DYSF: variants seen among roughly 807,000 people sequenced by gnomAD.
The protein encoded by DYSF is dystrophy-associated fer-1-like 1.
Under a neutral mutation model 274.9 loss-of-function variants are expected in DYSF, and 212 were observed. The ratio of observed to expected loss-of-function variants is 0.77; its 90% CI spans 0.69 to 0.86. DYSF has a LOEUF of 0.86. Ranked by LOEUF, DYSF falls within the 40% of genes least tolerant of loss-of-function variation. The probability of loss-of-function intolerance (pLI) is 0.00; values close to 1 mark genes in which losing one functional copy is unlikely to be tolerated. For missense variants in DYSF, 2,666 were observed against 2,783.2 expected (o/e 0.96, Z 0.95); for synonymous variants, 1,091 against 1,078.7 (o/e 1.01, Z -0.22).
At chr2:71,515,389 C>T (rs970022696) in intron 7 of DYSF, among the ~76,000 whole-genome samples, 1 of 152,168 alleles carries the variant, frequency 6.6e-6, no homozygotes, top group Non-Finnish European at 1.5e-5. Flanking sequence ...TGTGGGTAGC[C>T]GACGAGGGGC....
chr2:71,609,257 T>C (rs2093703503), intron 36 of DYSF, among the ~76,000 whole-genome samples: 1 of 152,226 alleles, frequency 6.6e-6, no homozygotes, highest in South Asian at 2.1e-4. Context: ...GCCCTGTCCA[T>C]CACCCCTGCT....
chr2:71,559,105 C>A (rs553591453), intron 22 of DYSF, among the ~76,000 whole-genome samples: 19 of 152,232 alleles, frequency 1.2e-4, no homozygotes, highest in Non-Finnish European at 2.5e-4. Context: ...GAGCCTCCCC[C>A]TTCCCCAGGG....
Position 71,601,421 on chromosome 2 carries a change from T to G in DYSF, c.3898-78T>G, listed in dbSNP as rs141740044. On this transcript the variant is annotated intron_variant, in intron 34 of 55. Transcript: ENST00000410020. ...ACCATGGACTGTCTGATCACTGACA[T>G]AGTCCATGAGTGTCATGAGGGTGAT... The G allele has an allele frequency of 2.0e-5, 32 of 1,561,872 alleles. No individual in the cohort carries two copies. The African/African-American group carries it at 3.7e-4, about 18-fold the overall frequency.
chr2:71,582,589 A>C (rs772922788), intron 30 of DYSF, among the ~76,000 whole-genome samples: 10 of 152,196 alleles, frequency 6.6e-5, no homozygotes, highest in Non-Finnish European at 1.3e-4. Context: ...TAGTGAAGAG[A>C]GTGAAGATGG....
intron 13 of DYSF, 118 bp from the exon 14 acceptor site, chr2:71,528,180 A>AG: frequency 1.1e-6 from 1 of 895,856 alleles, no homozygotes; most frequent in East Asian, 2.6e-5. Context: ...CCCTGTGTGA[A>AG]GGGGCCAAAG....
chr2:71,633,493 A>G (rs2094347832), intron 41 of DYSF, among the ~76,000 whole-genome samples: 1 of 152,192 alleles, frequency 6.6e-6, no homozygotes, highest in Non-Finnish European at 1.5e-5. Flanking sequence ...AACATTAATC[A>G]TGGTAAACTT....
chr2:71,517,018 T>G lies in DYSF; in HGVS notation c.981T>G (p.Asp327Glu). The stretch of plus-strand genomic sequence containing the variant: ...TAGACTCTCGTTCTCTCAGGACAGA[T>G]GCTCTCCTCGGGGAGTTCCGGGTAA... ...TVVDSRSLRTDALLGEFRMDV... is the reference protein window; with the variant it reads ...TVVDSRSLRTEALLGEFRMDV... Residue 327 changes from aspartate to glutamate, a missense_variant, in exon 10 of 56, where the codon GAT becomes GAG. Transcript: ENST00000410020. 2 of 1,614,212 alleles carry G rather than the reference T, an allele frequency of 1.2e-6. No individual in the cohort carries two copies. The highest frequency in any genetic ancestry group is 8.5e-7 in the Non-Finnish European group (1 of 1,180,024).
chr2:71,669,209 T>C lies in DYSF; in HGVS notation c.5642+2T>C. On this transcript the variant is annotated splice_donor_variant, in intron 50 of 55. Coordinates refer to ENST00000410020, the MANE Select transcript of DYSF (RefSeq NM_001130987.2). LOFTEE classifies it high-confidence loss of function. ...GATGAGCGACATTTATGTGAAAGGG[T>C]AGGGAGCCAGCGTCCTCTTGCCTGT... 1 of 1,602,224 alleles carries C rather than the reference T, an allele frequency of 6.2e-7. No individual in the cohort carries two copies. Among genetic ancestry groups the C allele is most frequent in the Non-Finnish European group, 8.5e-7 (1 of 1,174,104 alleles).
intron 38 of DYSF, 96 bp downstream of exon 38, chr2:71,611,722 C>G: frequency 1.4e-6 from 2 of 1,462,496 alleles, no homozygotes; most frequent in Non-Finnish European, 1.9e-6. Context: ...CAATTCCCTG[C>G]GGGATCCAGG....
intron 32 of DYSF, among the ~76,000 whole-genome samples, chr2:71,597,575 G>C (rs2093436172): frequency 6.6e-6 from 1 of 152,170 alleles, no homozygotes; most frequent in Non-Finnish European, 1.5e-5. Context: ...CAGCCTGAAT[G>C]AACCTTCCAG....
chr2:71,457,604 GCA>G lies in DYSF; in HGVS notation c.88+3521_88+3522del, dbSNP rs34461929. On this transcript the variant is annotated intron_variant, in intron 1 of 54. Transcript: ENST00000258104. ...TCCTTACTGCTGCTTGCTCACCCAAGCACAGACATCCTCAGCCCTTATGTTCT... is the reference window on the plus strand; with the variant it reads ...TCCTTACTGCTGCTTGCTCACCCAAGCAGACATCCTCAGCCCTTATGTTCT... 1.5e-3 allele frequency among the ~76,000 whole-genome samples: 234 copies of G among 152,278 alleles called. 1 individual carries two copies. The highest frequency in any genetic ancestry group is 2.7e-3 in the Non-Finnish European group (186 of 68,018).
intron 3 of DYSF, among the ~76,000 whole-genome samples, chr2:71,493,987 G>T (rs1471187655): frequency 2.6e-5 from 4 of 152,146 alleles, no homozygotes; most frequent in South Asian, 2.1e-4. Flanking sequence ...GGGTGATTCT[G>T]GTCCAGGGTT....
intron 24 of DYSF, among the ~76,000 whole-genome samples, chr2:71,564,847 C>CA (rs2091985722): frequency 6.6e-6 from 1 of 152,230 alleles, no homozygotes; most frequent in Non-Finnish European, 1.5e-5. Flanking sequence ...GGACGGGTGA[C>CA]AGGGAGGTGA....
At chr2:71,512,486 G>A (rs1047442826) in intron 5 of DYSF, among the ~76,000 whole-genome samples, 1 of 152,170 alleles carries the variant, frequency 6.6e-6, no homozygotes, top group African/African-American at 2.4e-5. Flanking sequence ...ATTTGTGAAG[G>A]GAGCAGACTA....
chr2:71,457,108 C>T (rs564419141), intron 1 of DYSF, among the ~76,000 whole-genome samples: 43 of 152,268 alleles, frequency 2.8e-4, no homozygotes, highest in African/African-American at 1.0e-3. Context: ...CTTGAAAATC[C>T]CACCAACAGT....
Position 71,613,261 on chromosome 2 carries a change from A to G in DYSF, c.4388-73A>G. The G allele has an allele frequency of 2.1e-6, 3 of 1,399,558 alleles. No homozygotes were observed. The South Asian group carries it at 3.6e-5, about 17-fold the overall frequency. 86.7% of individuals were successfully genotyped at this position (1,399,558 alleles called of 1,614,324 possible). A position where few individuals can be genotyped will look rare whatever the true frequency, so the allele number is the denominator to read the frequency against. On this transcript the variant is annotated intron_variant, in intron 39 of 55. Coordinates refer to ENST00000410020, the MANE Select transcript of DYSF (RefSeq NM_001130987.2). ...GGGTCTTGTCTTGGTCCCTTGGTTGAGCCCTGGGGCTGGTGAGGGGCGAGC... is the reference window on the plus strand; with the variant it reads ...GGGTCTTGTCTTGGTCCCTTGGTTGGGCCCTGGGGCTGGTGAGGGGCGAGC...
At chr2:71,499,276 T>G (rs1489073344) in intron 3 of DYSF, among the ~76,000 whole-genome samples, 1 of 152,242 alleles carries the variant, frequency 6.6e-6, no homozygotes, top group East Asian at 1.9e-4. Flanking sequence ...CACTTAACAG[T>G]GTATCTTGAA....
At chr2:71,479,867 C>G (rs546628430) in intron 1 of DYSF, among the ~76,000 whole-genome samples, 3 of 152,220 alleles carry the variant, frequency 2.0e-5, no homozygotes, top group Non-Finnish European at 4.4e-5. Context: ...TGGACTCCTT[C>G]AAGGCCTTGG....
intron 41 of DYSF, among the ~76,000 whole-genome samples, chr2:71,638,811 G>A (rs979986429): frequency 2.6e-5 from 4 of 152,132 alleles, no homozygotes; most frequent in Non-Finnish European, 1.5e-5. Context: ...AAGTTTTTGT[G>A]TAGACATAAG....
Sources: allele counts gnomAD v4.1 joint callset (sites outside exome capture counted in the v4.1 genomes callset), GRCh38; gene constraint gnomAD v4.1.1; transcripts MANE v1.5; gene names NCBI Gene and HGNC (gene_info 2026-07-23, HGNC 2026-07-21).